DMXL2: variants seen among roughly 807,000 people sequenced by gnomAD.
DMXL2 encodes the protein Dmx like 2, also known as dmX-like protein 2.
Under a neutral mutation model 331.1 loss-of-function variants are expected in DMXL2, and 103 were observed. That is an observed-to-expected ratio of 0.31 (90% confidence interval 0.27 to 0.37). DMXL2 has a LOEUF of 0.37. Among genes scored for constraint, DMXL2 ranks in the 10% least tolerant of loss-of-function variants. DMXL2 has a pLI of 1.00. For synonymous variants in DMXL2, 1,281 were observed against 1,252.1 expected (o/e 1.02, Z -0.49); for missense variants, 3,171 against 3,642.9 (o/e 0.87, Z 3.33).
intron 1 of DMXL2, among the ~76,000 whole-genome samples, chr15:51,576,653 T>C (rs2051068374): frequency 6.6e-6 from 1 of 152,092 alleles, no homozygotes; most frequent in African/African-American, 2.4e-5. Context: ...AAGAGCTAGT[T>C]AAATAAACAT....
chr15:51,560,504 CAAAAAAAA>C (rs66990182), intron 6 of DMXL2, among the ~76,000 whole-genome samples: 20 of 41,544 alleles, frequency 4.8e-4, no homozygotes, highest in South Asian at 1.1e-3. Context: ...TTATTTCTAC[CAAAAAAAA>C]AAAAAAAAAA....
intron 6 of DMXL2, among the ~76,000 whole-genome samples, chr15:51,552,819 T>C (rs2049304652): frequency 6.6e-6 from 1 of 152,198 alleles, no homozygotes; most frequent in Non-Finnish European, 1.5e-5. Context: ...AGAATTCAAA[T>C]TGCCAGAGAA....
intron 1 of DMXL2, among the ~76,000 whole-genome samples, chr15:51,589,606 T>C (rs556340571): frequency 6.6e-6 from 1 of 152,140 alleles, no homozygotes; most frequent in African/African-American, 2.4e-5. Context: ...ATGCATACAG[T>C]GATAGCAGTT....
chr15:51,523,042 T>G (rs1201496558), intron 13 of DMXL2, among the ~76,000 whole-genome samples: 2 of 152,206 alleles, frequency 1.3e-5, no homozygotes, highest in Non-Finnish European at 2.9e-5. Context: ...GAACAATATT[T>G]ATAGCTTTCA....
intron 2 of DMXL2, among the ~76,000 whole-genome samples, chr15:51,570,005 A>C (rs1008243155): frequency 2.6e-5 from 4 of 152,156 alleles, no homozygotes; most frequent in African/African-American, 7.2e-5. Context: ...AAGCTAAAGA[A>C]GCATGTTCTA....
intron 2 of DMXL2, among the ~76,000 whole-genome samples, chr15:51,570,564 AG>A (rs1300516322): frequency 6.6e-6 from 1 of 152,230 alleles, no homozygotes; most frequent in African/African-American, 2.4e-5. Context: ...TTACCCACAA[AG>A]GGAAGCCCAT....
intron 29 of DMXL2, among the ~76,000 whole-genome samples, chr15:51,467,728 T>TC (rs1417820804): frequency 2.8e-5 from 4 of 141,184 alleles, no homozygotes; most frequent in Non-Finnish European, 6.3e-5. Context: ...ACCTAGTACT[T>TC]CTTTTTTTTT....
chr15:51,458,917 G>T (rs199824669), intron 34 of DMXL2, 122 bp from the exon 35 acceptor site: 1 of 690,690 alleles, frequency 1.4e-6, no homozygotes, highest in Non-Finnish European at 2.3e-6. Flanking sequence ...AGCAGCAGCA[G>T]CAAGAAAAAA....
intron 1 of DMXL2, among the ~76,000 whole-genome samples, chr15:51,581,010 C>G (rs1054941737): frequency 6.6e-6 from 1 of 152,104 alleles, no homozygotes; most frequent in African/African-American, 2.4e-5. Context: ...GAATGTGTTT[C>G]TTTTCTTTGC....
At chr15:51,516,491 T>C (rs2047043071) in intron 14 of DMXL2, among the ~76,000 whole-genome samples, 1 of 152,302 alleles carries the variant, frequency 6.6e-6, no homozygotes, top group South Asian at 2.1e-4. Flanking sequence ...AGAGTAATAA[T>C]ATAAAATGAG....
chr15:51,596,256 C>T (rs1373858620), intron 1 of DMXL2, among the ~76,000 whole-genome samples: 8 of 152,202 alleles, frequency 5.3e-5, no homozygotes, highest in East Asian at 3.9e-4. Flanking sequence ...AAAAAGTGGG[C>T]GAAGGATATG....
Position 51,536,852 on chromosome 15 carries a change from G to A in DMXL2, c.1628C>T (p.Ser543Phe), listed in dbSNP as rs1196890467. Residue 543 changes from serine to phenylalanine, a missense_variant, in exon 12 of 44, where the codon TCT (serine) becomes TTT (phenylalanine). Physicochemically the swap from Ser to Phe is radical, Grantham distance 155. Coordinates refer to ENST00000560891, the MANE Select transcript of DMXL2 (RefSeq NM_001378457.1). The stretch of plus-strand genomic sequence containing the variant: ...GGGAAATGCAACAGGAATCCGAGAA[G>A]AAAAAGAAACCTGAAAAACATAATT... ...GIFRQVQVSF[S>F]SRIPVAFPSG... 1.3e-6 allele frequency: 2 copies of A among 1,594,744 alleles called. No homozygotes were observed. Among genetic ancestry groups the A allele is most frequent in the Admixed American group, 3.7e-5 (2 of 54,770 alleles).
chr15:51,612,031 G>A (rs937838235), intron 1 of DMXL2, among the ~76,000 whole-genome samples: 13 of 152,052 alleles, frequency 8.5e-5, no homozygotes, highest in African/African-American at 3.1e-4. Flanking sequence ...CTCTTTCTTT[G>A]GGTCCATGCC....
intron 1 of DMXL2, among the ~76,000 whole-genome samples, chr15:51,618,561 A>T (rs1264284809): frequency 6.6e-6 from 1 of 152,216 alleles, no homozygotes; most frequent in African/African-American, 2.4e-5. Flanking sequence ...TAATTTAAAA[A>T]AAAAATTGAA....
chr15:51,460,186 G>C (rs150269937), intron 33 of DMXL2: 2 of 986,664 alleles, frequency 2.0e-6, no homozygotes, highest in African/African-American at 3.5e-5. Context: ...ATTTGCTCCC[G>C]GGTTGATGCA....
intron 29 of DMXL2, among the ~76,000 whole-genome samples, chr15:51,468,781 A>T (rs553145969): frequency 2.0e-4 from 31 of 152,340 alleles, no homozygotes; most frequent in African/African-American, 7.2e-4. Context: ...AAAACCACCT[A>T]TGAAGTTAAT....
At chr15:51,568,199 G>A (rs2050420397) in intron 3 of DMXL2, 1 of 270,974 alleles carries the variant, frequency 3.7e-6, no homozygotes, top group Non-Finnish European at 6.8e-6. Flanking sequence ...CCAGATATCA[G>A]ATAGATATTA....
At chr15:51,602,634 G>A (rs762771964) in intron 1 of DMXL2, among the ~76,000 whole-genome samples, 6 of 152,200 alleles carry the variant, frequency 3.9e-5, no homozygotes, top group Non-Finnish European at 8.8e-5. Flanking sequence ...AGCTTAAACA[G>A]CAGAGCAAAG....
chr15:51,529,123 G>C (rs1198701498), intron 13 of DMXL2, among the ~76,000 whole-genome samples: 1 of 151,988 alleles, frequency 6.6e-6, no homozygotes, highest in African/African-American at 2.4e-5. Flanking sequence ...CTAAAAGAGG[G>C]AAGTTTATAG....
Sources: gnomAD v4.1 joint callset for allele counts (sites outside exome capture counted in the v4.1 genomes callset) on GRCh38, gnomAD v4.1.1 for gene constraint, MANE v1.5 for transcripts, NCBI Gene and HGNC (gene_info 2026-07-23, HGNC 2026-07-21) for gene names.